CYB561: variants seen among roughly 807,000 people sequenced by gnomAD.
CYB561 encodes the protein cytochrome b561.
In CYB561, 11 loss-of-function variants were observed where a neutral mutation model predicts 25.3. That is an observed-to-expected ratio of 0.44 (90% confidence interval 0.27 to 0.72). The LOEUF is 0.72. Ranked by LOEUF, CYB561 falls within the 30% of genes least tolerant of loss-of-function variation. The pLI, the probability that CYB561 is intolerant of heterozygous loss-of-function variation, is 0.18. For synonymous variants in CYB561, 165 were observed against 158.8 expected (o/e 1.04, Z -0.29); for missense variants, 295 against 334.9 (o/e 0.88, Z 0.93).
chr17:63,439,354 GA>G (rs1237245832), intron 1 of CYB561: 1 of 152,130 alleles, frequency 6.6e-6, no homozygotes, highest in Non-Finnish European at 1.5e-5. Context: ...ACAACATGGT[GA>G]AACCCTATCT....
intron 1 of CYB561, among the ~76,000 whole-genome samples, chr17:63,444,077 G>A (rs1451097276): frequency 1.3e-5 from 2 of 152,062 alleles, no homozygotes; most frequent in Middle Eastern, 3.4e-3. Context: ...TCTGCCTTCC[G>A]GGTCCAAGCA....
In CYB561 at chr17:63,437,435, TAC is replaced by T. The variant is rs2049315625; in HGVS notation, c.111_112del (p.Tyr38ProfsTer42). 6.2e-7 allele frequency: 1 copy of T among 1,613,834 alleles called. No individual in the cohort carries two copies. The highest frequency in any genetic ancestry group is 8.5e-7 in the Non-Finnish European group (1 of 1,179,974). On this transcript the variant is annotated frameshift_variant, in exon 2 of 6. Coordinates refer to ENST00000360793, the MANE Select transcript of CYB561 (RefSeq NM_001915.4). LOFTEE classifies it high-confidence loss of function. ...GCTCTCCCAGGCAATGCCGCCTCGGTACAGCCCGAGCCACGCGCCGGTCATGG... is the reference window on the plus strand; with the variant it reads ...GCTCTCCCAGGCAATGCCGCCTCGGTAGCCCGAGCCACGCGCCGGTCATGG...
Position 63,436,222 on chromosome 17 carries a change from G to A in CYB561, c.203-70C>T. The stretch of plus-strand genomic sequence containing the variant: ...TGAGGCCTCCTGCCCCAGCAGCAAG[G>A]AGGCACCTTGGTGGAGAGGTGATGT... On this transcript the variant is annotated intron_variant, in intron 2 of 5. Coordinates refer to ENST00000360793, the MANE Select transcript of CYB561 (RefSeq NM_001915.4). The surrounding 1 kb of genome is among the most constrained non-coding windows in gnomAD (Gnocchi z 4.8). 1 of 1,566,394 alleles carries A rather than the reference G, an allele frequency of 6.4e-7. No homozygotes were observed. The highest frequency in any genetic ancestry group is 8.7e-7 in the Non-Finnish European group (1 of 1,147,752).
intron 1 of CYB561, among the ~76,000 whole-genome samples, chr17:63,445,739 C>T (rs1420477407): frequency 6.6e-6 from 1 of 152,246 alleles, no homozygotes; most frequent in Non-Finnish European, 1.5e-5. Flanking sequence ...GAAACTCCCA[C>T]CCTCGCGCTC....
At chr17:63,438,720 G>A (rs1196491843) in intron 1 of CYB561, among the ~76,000 whole-genome samples, 1 of 152,200 alleles carries the variant, frequency 6.6e-6, no homozygotes, top group Non-Finnish European at 1.5e-5. Flanking sequence ...CCTCCAGGAG[G>A]AAAGGAGAGC....
intron 1 of CYB561, chr17:63,440,673 G>A (rs1301371603): frequency 6.2e-6 from 1 of 162,304 alleles, no homozygotes; most frequent in Non-Finnish European, 1.3e-5. Context: ...CCACTCCTCA[G>A]GCACCGCGGT....
Position 63,434,391 on chromosome 17 carries a change from G to A in CYB561, c.*11C>T, listed in dbSNP as rs2302243. On this transcript the variant is annotated 3_prime_UTR_variant, in exon 6 of 6. Coordinates refer to ENST00000360793, the MANE Select transcript of CYB561 (RefSeq NM_001915.4). ...AGACACCCCGCGAACCCCCAGGGCC[G>A]GCCGGGCGCATCACTGGGAGCCGGG... 1.2e-3 allele frequency: 1,906 copies of A among 1,542,642 alleles called. 16 individuals are homozygous for A. In the East Asian group the frequency reaches 0.014, roughly 11 times the overall value.
chr17:63,438,857 G>A (rs2049345879), intron 1 of CYB561, among the ~76,000 whole-genome samples: 1 of 152,212 alleles, frequency 6.6e-6, no homozygotes, highest in Non-Finnish European at 1.5e-5. Context: ...GAGGCGGCAG[G>A]AGGAGAACAA....
chr17:63,435,925 T>C (rs1599116071), intron 3 of CYB561, 129 bp downstream of exon 3: 7 of 1,588,496 alleles, frequency 4.4e-6, no homozygotes. Flanking sequence ...CTAGTGGCCC[T>C]GCAGGGGATG....
rs1258998418 is a variant in CYB561, at chr17:63,432,594, A to G, written c.*1808T>C. Reference sequence around the variant, plus strand: ...CCCACATGTAAACATTTCACTATACAAGTGTGTGCCAGCTGATTGAAGAAC... The same window carrying G: ...CCCACATGTAAACATTTCACTATACGAGTGTGTGCCAGCTGATTGAAGAAC... On this transcript the variant is annotated 3_prime_UTR_variant, in exon 6 of 6. Transcript: ENST00000360793. 1.3e-5 allele frequency: 2 copies of G among 152,140 alleles called. No individual in the cohort carries two copies. The highest frequency in any genetic ancestry group is 1.3e-4 in the Admixed American group (2 of 15,278). The allele number at this position is 152,140 out of a possible 1,614,324, so 9.4% of individuals were successfully genotyped here.
chr17:63,435,564 GCT>G, intron 4 of CYB561, 122 bp downstream of exon 4: 1 of 859,808 alleles, frequency 1.2e-6, no homozygotes, highest in Non-Finnish European at 1.9e-6. Flanking sequence ...TGGGAAGGCA[GCT>G]CTCTCACCTG....
In CYB561 at chr17:63,434,581, C is replaced by A. The variant is rs76648903; in HGVS notation, c.577G>T (p.Ala193Ser). Residue 193 changes from alanine to serine, a missense_variant, in exon 6 of 6, where the codon GCA becomes TCA. Physicochemically the swap from Ala to Ser is moderately conservative, Grantham distance 99. Transcript: ENST00000360793. ...GCCAGGACACCCTCGGGCTCAAATGCGCTATACTTGCCCCTGCAGGGGTGA... is the reference window on the plus strand; with the variant it reads ...GCCAGGACACCCTCGGGCTCAAATGAGCTATACTTGCCCCTGCAGGGGTGA... ...LLFNLGGKYS[A>S]FEPEGVLANV... The A allele has an allele frequency of 5.0e-6, 8 of 1,610,234 alleles. No individual in the cohort carries two copies. The East Asian group carries it at 1.8e-4, about 36-fold the overall frequency.
intron 1 of CYB561, chr17:63,438,381 GT>G: frequency 1.6e-6 from 1 of 613,846 alleles, no homozygotes; most frequent in Non-Finnish European, 2.8e-6. Flanking sequence ...CCCCATCCTG[GT>G]TTTTAACTCC....
At chr17:63,437,911 C>A (rs1398671093) in intron 1 of CYB561, 2 of 500,294 alleles carry the variant, frequency 4.0e-6, no homozygotes, top group Middle Eastern at 1.3e-3. Flanking sequence ...GTCCCCCCCA[C>A]GGATGCGCAC....
Position 63,433,393 on chromosome 17 carries a change from T to A in CYB561, c.*1009A>T, listed in dbSNP as rs147902899. The A allele has an allele frequency of 3.8e-4, 153 of 398,704 alleles. 1 individual carries two copies. Among genetic ancestry groups the A allele is most frequent in the African/African-American group, 2.3e-3 (111 of 48,734 alleles). The allele number at this position is 398,704 out of a possible 1,614,324, so 24.7% of individuals were successfully genotyped here. A position where few individuals can be genotyped will look rare whatever the true frequency, so the allele number is the denominator to read the frequency against. ...AGACACCACGGGGGATGACTGTAGT[T>A]GTTCTGACTCCATCCTGACTTCCTG... On this transcript the variant is annotated 3_prime_UTR_variant, in exon 6 of 6. Coordinates refer to ENST00000360793, the MANE Select transcript of CYB561 (RefSeq NM_001915.4).
At chr17:63,435,894 C>T (rs2049293243) in intron 3 of CYB561, 103 bp from the exon 4 acceptor site, 2 of 1,582,788 alleles carry the variant, frequency 1.3e-6, no homozygotes, top group African/African-American at 1.3e-5. Context: ...GCTTTAGTCC[C>T]AGCTCGAGGG....
chr17:63,441,550 G>A (rs2049375515), intron 1 of CYB561, among the ~76,000 whole-genome samples: 2 of 152,224 alleles, frequency 1.3e-5, no homozygotes, highest in South Asian at 4.1e-4. Context: ...CCAATTTTCA[G>A]GTAAGGGTGG....
chr17:63,436,187 C>G lies in CYB561; in HGVS notation c.203-35G>C. The G allele has an allele frequency of 6.2e-7, 1 of 1,604,376 alleles. No individual in the cohort carries two copies. The highest frequency in any genetic ancestry group is 1.3e-5 in the African/African-American group (1 of 74,916). ...GTGAGAGAGGGAACGTGAGTGCATC[C>G]GCCTGTGCGTGAGGCCTCCTGCCCC... On this transcript the variant is annotated intron_variant, in intron 2 of 5. Transcript: ENST00000360793. This position sits in a 1 kb window ranked among gnomAD's most constrained non-coding sequence, Gnocchi z 4.8.
chr17:63,435,990 G>A, intron 3 of CYB561, 64 bp downstream of exon 3: 1 of 1,612,188 alleles, frequency 6.2e-7, no homozygotes, highest in South Asian at 1.1e-5. Context: ...AGCAGGTGAA[G>A]CGGCTGTTTG....
Sources: allele counts gnomAD v4.1 joint callset (sites outside exome capture counted in the v4.1 genomes callset), GRCh38; gene constraint gnomAD v4.1.1; non-coding constraint Gnocchi (gnomAD v3.1); transcripts MANE v1.5; gene names NCBI Gene and HGNC (gene_info 2026-07-23, HGNC 2026-07-21).